Variants in GALNT7 observed in about 807,000 individuals in gnomAD.
GALNT7 encodes N-acetylgalactosaminyltransferase 7.
GALNT7 carries 60 observed loss-of-function variants against 82.1 expected under a neutral mutation model. The observed-to-expected ratio is 0.73, with a 90% confidence interval of 0.59 to 0.91. GALNT7 has a LOEUF of 0.91. GALNT7 is among the 40% of genes least tolerant of loss of function. The pLI is 0.00. For missense variants in GALNT7, 660 were observed against 804.2 expected, an observed-to-expected ratio of 0.82 and a Z score of 2.17; for synonymous variants, 243 against 275.1, an observed-to-expected ratio of 0.88 and a Z score of 1.15.
intron 2 of GALNT7, among the ~76,000 whole-genome samples, chr4:173,255,656 C>G (rs1036496110): frequency 1.3e-5 from 2 of 152,126 alleles, no homozygotes; most frequent in Non-Finnish European, 2.9e-5. Context: ...AACACCAACA[C>G]AGAGATTAAG....
intron 8 of GALNT7, among the ~76,000 whole-genome samples, chr4:173,307,213 G>T (rs757758907): frequency 6.6e-6 from 1 of 152,222 alleles, no homozygotes; most frequent in Non-Finnish European, 1.5e-5. Context: ...TGACTCATAG[G>T]CTCACTTGCA....
chr4:173,295,895 A>G (rs747110016), intron 5 of GALNT7, 52 bp downstream of exon 5: 6 of 965,752 alleles, frequency 6.2e-6, no homozygotes, highest in Non-Finnish European at 8.5e-6. Flanking sequence ...ACCTTGTCCT[A>G]GAAGGGCAAA....
Position 173,322,175 on chromosome 4 carries a change from G to A in GALNT7, c.*458G>A, listed in dbSNP as rs1372769802. ...TTATTTAATTTTACATCTTTTTGAAGCACTGCCACAGGTTATTAGCCAAGG... is the reference window on the plus strand; with the variant it reads ...TTATTTAATTTTACATCTTTTTGAAACACTGCCACAGGTTATTAGCCAAGG... On this transcript the variant is annotated 3_prime_UTR_variant, in exon 12 of 12. Coordinates refer to ENST00000265000, the MANE Select transcript of GALNT7 (RefSeq NM_017423.3). 1 of 153,880 alleles carries A rather than the reference G, an allele frequency of 6.5e-6. No homozygotes were observed. The highest frequency in any genetic ancestry group is 1.5e-5 in the Non-Finnish European group (1 of 68,842). 9.5% of individuals were successfully genotyped at this position (153,880 alleles called of 1,614,324 possible).
intron 11 of GALNT7, among the ~76,000 whole-genome samples, chr4:173,321,026 TTA>T (rs1190346142): frequency 3.3e-5 from 5 of 152,190 alleles, no homozygotes; most frequent in Non-Finnish European, 7.4e-5. Context: ...TGTCTTCGTA[TTA>T]TGATGAAAAT....
At chr4:173,184,414 C>T (rs996742257) in intron 1 of GALNT7, among the ~76,000 whole-genome samples, 2 of 152,016 alleles carry the variant, frequency 1.3e-5, no homozygotes, top group African/African-American at 2.4e-5. Context: ...CCGACCAACA[C>T]GGCGAAACCC....
At chr4:173,236,558 C>T (rs912676596) in intron 1 of GALNT7, among the ~76,000 whole-genome samples, 2 of 152,134 alleles carry the variant, frequency 1.3e-5, no homozygotes, top group African/African-American at 4.8e-5. Context: ...CTTAAGAGAC[C>T]CTCTGAGGAA....
At chr4:173,228,674 A>T (rs565190288) in intron 1 of GALNT7, among the ~76,000 whole-genome samples, 2 of 151,834 alleles carry the variant, frequency 1.3e-5, no homozygotes, top group Non-Finnish European at 2.9e-5. Flanking sequence ...TCACAGCCAG[A>T]TGGCTTTACA....
chr4:173,273,905 TGTTAA>T (rs1415278897), intron 2 of GALNT7, among the ~76,000 whole-genome samples: 9 of 152,244 alleles, frequency 5.9e-5, no homozygotes, highest in Admixed American at 1.3e-4. Flanking sequence ...TTGCTCAGAC[TGTTAA>T]GTTATCTATA....
At chr4:173,196,112 G>GAGTTTTA (rs562043990) in intron 1 of GALNT7, among the ~76,000 whole-genome samples, 231 of 150,850 alleles carry the variant, frequency 1.5e-3, no homozygotes, top group African/African-American at 5.3e-3. Context: ...ATACAGAAGG[G>GAGTTTTA]AGTTTTAAGT....
intron 2 of GALNT7, among the ~76,000 whole-genome samples, chr4:173,278,320 T>C (rs183223664): frequency 1.1e-3 from 162 of 152,354 alleles, no homozygotes; most frequent in Non-Finnish European, 1.9e-3. Context: ...GAAATAAATA[T>C]AGTTTGAATG....
intron 1 of GALNT7, among the ~76,000 whole-genome samples, chr4:173,171,807 T>G (rs1170483909): frequency 6.6e-6 from 1 of 152,232 alleles, no homozygotes; most frequent in Non-Finnish European, 1.5e-5. Context: ...CTCCTTGTCC[T>G]TAATCTCATG....
intron 2 of GALNT7, among the ~76,000 whole-genome samples, chr4:173,250,321 A>G (rs1424257547): frequency 6.6e-6 from 1 of 152,182 alleles, no homozygotes; most frequent in Non-Finnish European, 1.5e-5. Context: ...ATTTAAAAAT[A>G]TGTCACTTAA....
chr4:173,176,085 T>A (rs970652780), intron 1 of GALNT7, among the ~76,000 whole-genome samples: 26 of 150,840 alleles, frequency 1.7e-4, no homozygotes, highest in African/African-American at 5.6e-4. Flanking sequence ...AAAAAAAAAA[T>A]TAAAAACAAA....
intron 2 of GALNT7, among the ~76,000 whole-genome samples, chr4:173,249,028 A>G (rs1451241579): frequency 3.3e-5 from 5 of 152,194 alleles, no homozygotes; most frequent in African/African-American, 7.2e-5. Context: ...AAGATTTCCA[A>G]TTCTTTTCAT....
chr4:173,169,130 C>A, intron 1 of GALNT7, 169 bp downstream of exon 1: 1 of 374,772 alleles, frequency 2.7e-6, no homozygotes, highest in South Asian at 1.2e-4. Context: ...CCCGCGCACT[C>A]CGACCTCCCT....
intron 2 of GALNT7, among the ~76,000 whole-genome samples, chr4:173,285,843 C>T (rs1351238700): frequency 6.6e-6 from 1 of 152,150 alleles, no homozygotes; most frequent in Non-Finnish European, 1.5e-5. Flanking sequence ...GCTTATCCAC[C>T]TCTAATTCCA....
chr4:173,242,898 G>T (rs1734484664), intron 1 of GALNT7, among the ~76,000 whole-genome samples: 1 of 152,200 alleles, frequency 6.6e-6, no homozygotes, highest in African/African-American at 2.4e-5. Flanking sequence ...ATGCTGATAG[G>T]ATTTTTCTGA....
chr4:173,172,571 C>T (rs2126615122), intron 1 of GALNT7, among the ~76,000 whole-genome samples: 1 of 152,314 alleles, frequency 6.6e-6, no homozygotes. Context: ...GCCTGACCAT[C>T]ACCTGATGGC....
intron 2 of GALNT7, among the ~76,000 whole-genome samples, chr4:173,261,792 C>T (rs895940413): frequency 6.6e-6 from 1 of 151,966 alleles, no homozygotes; most frequent in Non-Finnish European, 1.5e-5. Context: ...GTACTTCAGC[C>T]TGGGGGACAG....
Sources: allele counts gnomAD v4.1 joint callset (sites outside exome capture counted in the v4.1 genomes callset), GRCh38; gene constraint gnomAD v4.1.1; transcripts MANE v1.5; gene names NCBI Gene and HGNC (gene_info 2026-07-23, HGNC 2026-07-21).